SPSB4: variants seen among roughly 807,000 people sequenced by gnomAD.
The protein encoded by SPSB4 is SPRY domain-containing SOCS box protein 4.
Under a neutral mutation model 20.9 loss-of-function variants are expected in SPSB4, and 21 were observed. The observed-to-expected ratio is 1.01, with a 90% confidence interval of 0.71 to 1.45. The LOEUF is 1.45. Ranked by LOEUF, SPSB4 falls within the 40% of genes most tolerant of loss-of-function variation. The pLI, the probability that SPSB4 is intolerant of heterozygous loss-of-function variation, is 0.00. For synonymous variants in SPSB4, 207 were observed against 183.8 expected (o/e 1.13, Z -1.02); for missense variants, 399 against 399.2 (o/e 1.00, Z 0.00).
At chr3:141,090,426 G>A (rs1174749801) in intron 2 of SPSB4, among the ~76,000 whole-genome samples, 3 of 152,216 alleles carry the variant, frequency 2.0e-5, no homozygotes, top group African/African-American at 7.2e-5. Context: ...AGGAGCTGGA[G>A]TGTGTTGGAG....
chr3:141,092,478 T>A (rs907425846), intron 2 of SPSB4, among the ~76,000 whole-genome samples: 1 of 152,252 alleles, frequency 6.6e-6, no homozygotes, highest in East Asian at 1.9e-4. Context: ...TAAGGCTTTG[T>A]TGTTGATACA....
chr3:141,122,421 C>A lies in SPSB4; in HGVS notation c.695-24721C>A, dbSNP rs540639254. Among the ~76,000 whole-genome samples, 10 of 152,342 alleles carry A rather than the reference C, an allele frequency of 6.6e-5. No individual in the cohort carries two copies. In the East Asian group the frequency reaches 1.9e-3, roughly 29 times the overall value. ...AGTCTGTTCATTCTCAGAGCTCAAA[C>A]ACCATGCTGGGAGAACCACTGCTCT... On this transcript the variant is annotated intron_variant, in intron 2 of 2. Transcript: ENST00000310546.
chr3:141,057,695 G>A (rs893602275), intron 1 of SPSB4, among the ~76,000 whole-genome samples: 1 of 152,168 alleles, frequency 6.6e-6, no homozygotes, highest in Non-Finnish European at 1.5e-5. Flanking sequence ...GAGCACAGGG[G>A]GCTGGGGAGC....
At chr3:141,132,868 A>C (rs1223100429) in intron 2 of SPSB4, among the ~76,000 whole-genome samples, 1 of 152,166 alleles carries the variant, frequency 6.6e-6, no homozygotes, top group African/African-American at 2.4e-5. Flanking sequence ...TCTTTAAGGA[A>C]TCTCCACACT....
At chr3:141,103,461 T>C (rs186873040) in intron 2 of SPSB4, among the ~76,000 whole-genome samples, 5 of 152,314 alleles carry the variant, frequency 3.3e-5, no homozygotes, top group African/African-American at 9.6e-5. Context: ...TACACAATCC[T>C]GACCCTGAAA....
intron 2 of SPSB4, among the ~76,000 whole-genome samples, chr3:141,076,582 TGAG>T (rs953809064): frequency 3.3e-5 from 5 of 152,052 alleles, no homozygotes; most frequent in African/African-American, 1.2e-4. Context: ...TCTCCACGGG[TGAG>T]GAGAAGTGCT....
At chr3:141,146,893 T>A (rs1033415893) in intron 2 of SPSB4, among the ~76,000 whole-genome samples, 6 of 152,140 alleles carry the variant, frequency 3.9e-5, no homozygotes, top group African/African-American at 1.2e-4. Flanking sequence ...TTAAAAAAAA[T>A]TATGGCTGGT....
At chr3:141,055,135 G>A (rs1300931834) in intron 1 of SPSB4, among the ~76,000 whole-genome samples, 2 of 152,220 alleles carry the variant, frequency 1.3e-5, no homozygotes, top group East Asian at 1.9e-4. Flanking sequence ...CAGATGTGGT[G>A]CAAGAGATAG....
At chr3:141,129,982 C>T (rs910959639) in intron 2 of SPSB4, among the ~76,000 whole-genome samples, 1 of 152,224 alleles carries the variant, frequency 6.6e-6, no homozygotes, top group African/African-American at 2.4e-5. Flanking sequence ...CTGCTTGTGT[C>T]CCAGCTGTAG....
At chr3:141,070,921 T>C (rs1269055542) in intron 2 of SPSB4, among the ~76,000 whole-genome samples, 2 of 152,232 alleles carry the variant, frequency 1.3e-5, no homozygotes, top group Admixed American at 6.5e-5. Context: ...TCCATCTGGC[T>C]GGTGACCGTG....
At chr3:141,133,655 A>G (rs1220307010) in intron 2 of SPSB4, among the ~76,000 whole-genome samples, 2 of 152,136 alleles carry the variant, frequency 1.3e-5, no homozygotes, top group African/African-American at 2.4e-5. Flanking sequence ...CTACATGCCT[A>G]TTTTTATACC....
chr3:141,114,579 C>T (rs1336114823), intron 2 of SPSB4, among the ~76,000 whole-genome samples: 6 of 152,324 alleles, frequency 3.9e-5, no homozygotes, highest in South Asian at 2.1e-4. Flanking sequence ...TCTAAACCAC[C>T]GTGGCCAGCC....
intron 2 of SPSB4, among the ~76,000 whole-genome samples, chr3:141,098,213 G>A (rs1411172313): frequency 6.6e-6 from 1 of 152,176 alleles, no homozygotes; most frequent in South Asian, 2.1e-4. Context: ...TAGCTGATAG[G>A]ACCACTCCCA....
At chr3:141,084,724 A>C (rs1052053601) in intron 2 of SPSB4, among the ~76,000 whole-genome samples, 1 of 152,172 alleles carries the variant, frequency 6.6e-6, no homozygotes, top group Non-Finnish European at 1.5e-5. Flanking sequence ...CTGTGCTGCT[A>C]TCTCTCCCTC....
At chr3:141,093,719 T>C (rs1276263742) in intron 2 of SPSB4, among the ~76,000 whole-genome samples, 3 of 152,116 alleles carry the variant, frequency 2.0e-5, no homozygotes, top group Non-Finnish European at 4.4e-5. Flanking sequence ...ATCACACACA[T>C]AGACTCTAAT....
At chr3:141,139,392 C>T (rs879687505) in intron 2 of SPSB4, among the ~76,000 whole-genome samples, 13 of 152,124 alleles carry the variant, frequency 8.5e-5, no homozygotes, top group Non-Finnish European at 1.6e-4. Flanking sequence ...TGTTAGCTGG[C>T]TATTTTGCTC....
rs141925307 is a variant in SPSB4 at position 141,067,875 on chromosome 3, T to G, written c.694+1077T>G. ...GCTAGAATTTCCAGTTTATTCATTC[T>G]AAATAAGAGATGTAATTACCAGCCC... On this transcript the variant is annotated intron_variant, in intron 2 of 2. Transcript: ENST00000310546. 4.6e-4 allele frequency among the ~76,000 whole-genome samples: 70 copies of G among 152,340 alleles called. 1 individual carries two copies. In the East Asian group the frequency reaches 0.013, roughly 29 times the overall value.
chr3:141,134,877 A>G (rs1939199164), intron 2 of SPSB4, among the ~76,000 whole-genome samples: 2 of 146,090 alleles, frequency 1.4e-5, no homozygotes, highest in Admixed American at 6.8e-5. Context: ...CTTTTGGAAT[A>G]GTTTCTTTTT....
chr3:141,141,974 T>G (rs971634869), intron 2 of SPSB4, among the ~76,000 whole-genome samples: 8 of 152,222 alleles, frequency 5.3e-5, no homozygotes, highest in African/African-American at 1.9e-4. Context: ...CTATCAGTTT[T>G]GTTTATCTTT....
Sources: allele counts gnomAD v4.1 joint callset (sites outside exome capture counted in the v4.1 genomes callset), GRCh38; gene constraint gnomAD v4.1.1; transcripts MANE v1.5; gene names NCBI Gene and HGNC (gene_info 2026-07-23, HGNC 2026-07-21).